Variants in DAW1 observed in about 807,000 individuals in gnomAD.
DAW1 encodes dynein assembly factor with WD repeats 1.
Under a neutral mutation model 56.5 loss-of-function variants are expected in DAW1, and 47 were observed. That is an observed-to-expected ratio of 0.83 (90% CI 0.66 to 1.06). DAW1 has a LOEUF of 1.06. DAW1 is among the 50% of genes least tolerant of loss of function. DAW1 has a pLI of 0.00. For synonymous variants in DAW1, 190 were observed against 179.0 expected (o/e 1.06, Z -0.49); for missense variants, 505 against 499.3 (o/e 1.01, Z -0.11).
intron 5 of DAW1, 91 bp downstream of exon 5, chr2:227,894,008 A>C: frequency 7.3e-7 from 1 of 1,361,910 alleles, no homozygotes; most frequent in Admixed American, 2.8e-5. Context: ...AAGAGGTCTA[A>C]ATTTATTGAG....
In DAW1 at chr2:227,898,269, T is replaced by A; in HGVS notation, c.528T>A (p.His176Gln). 2 of 1,536,692 alleles carry A rather than the reference T, an allele frequency of 1.3e-6. No individual in the cohort carries two copies. The highest frequency in any genetic ancestry group is 1.8e-6 in the Non-Finnish European group (2 of 1,135,818). Reference protein sequence around the residue: ...TGKCYHTFRGHTAEIVCLSFN... With the variant: ...TGKCYHTFRGQTAEIVCLSFN... ...AATGTTACCATACCTTCAGGGGTCA[T>A]ACAGCAGAAATAGTGAGTATATTTA... The change falls in exon 6 of 13, where the codon CAT becomes CAA. Residue 176 changes from histidine (H) to glutamine (Q), a missense_variant. By Grantham distance (24) the His-to-Gln change is conservative. Coordinates refer to ENST00000309931, the MANE Select transcript of DAW1 (RefSeq NM_178821.3).
In DAW1 at chr2:227,924,202, C is replaced by T. The variant is rs1574678941; in HGVS notation, c.*234C>T. 3.8e-6 allele frequency: 2 copies of T among 525,460 alleles called. No individual in the cohort carries two copies. Among genetic ancestry groups the T allele is most frequent in the Admixed American group, 3.2e-5 (1 of 31,146 alleles). The allele number at this position is 525,460 out of a possible 1,614,324, so 32.5% of individuals were successfully genotyped here. ...ACACAGCATAATGTTTGGCTAATGC[C>T]ACCAGTTATTTCAGTTGTGTTTGTT... On this transcript the variant is annotated 3_prime_UTR_variant, in exon 13 of 13. Transcript: ENST00000309931.
chr2:227,916,639 A>G (rs1365743833), intron 10 of DAW1, among the ~76,000 whole-genome samples: 1 of 152,082 alleles, frequency 6.6e-6, no homozygotes, highest in Non-Finnish European at 1.5e-5. Flanking sequence ...CATATCCGTG[A>G]TGGCCATGTA....
At chr2:227,874,816 A>G (rs1360886523) in intron 1 of DAW1, among the ~76,000 whole-genome samples, 1 of 152,068 alleles carries the variant, frequency 6.6e-6, no homozygotes, top group Admixed American at 6.6e-5. Context: ...CAAAACAATT[A>G]GCCAGGTGTG....
rs746945994 is a variant in DAW1 at position 227,891,305 on chromosome 2, G to A, written c.309G>A (p.Ser103=). 85 of 1,612,734 alleles carry A rather than the reference G, an allele frequency of 5.3e-5. 1 individual carries two copies. Among genetic ancestry groups the A allele is most frequent in the Middle Eastern group, 4.9e-4 (3 of 6,078 alleles). The change falls in exon 4 of 13, where the codon TCG becomes TCA. Residue 103 remains serine (S), a synonymous_variant. Coordinates refer to ENST00000309931, the MANE Select transcript of DAW1 (RefSeq NM_178821.3). ...LPLTNVALNK[S]GSCFITGSYD... ...TGACTAATGTTGCACTTAACAAATC[G>A]GGCTCATGGTAAGATTCTCTTTTTA...
In DAW1 at chr2:227,893,775, G is replaced by GT; in HGVS notation, c.318-17dup. On this transcript the variant is annotated intron_variant, in intron 4 of 12. Coordinates refer to ENST00000309931, the MANE Select transcript of DAW1 (RefSeq NM_178821.3). Reference sequence around the variant, plus strand: ...ACACTGCCATTCTTCCCTGCAACGTGTTTATATTCCTTGTGTTAGCTTTAT... The same window carrying GT: ...ACACTGCCATTCTTCCCTGCAACGTGTTTTATATTCCTTGTGTTAGCTTTAT... The GT allele has an allele frequency of 6.2e-7, 1 of 1,604,574 alleles. No individual in the cohort carries two copies. Among genetic ancestry groups the GT allele is most frequent in the Non-Finnish European group, 8.5e-7 (1 of 1,176,862 alleles).
intron 7 of DAW1, 29 bp from the exon 8 acceptor site, chr2:227,904,900 A>G (rs1441431070): frequency 6.3e-7 from 1 of 1,584,456 alleles, no homozygotes; most frequent in Non-Finnish European, 8.7e-7. Context: ...ATCTGCAGGT[A>G]TACTTGACAG....
Position 227,898,272 on chromosome 2 carries a change from A to G in DAW1, c.531A>G (p.Thr177=), listed in dbSNP as rs969211112. The G allele has an allele frequency of 6.6e-7, 1 of 1,515,276 alleles. No individual in the cohort carries two copies. Among genetic ancestry groups the G allele is most frequent in the Non-Finnish European group, 8.9e-7 (1 of 1,123,468 alleles). 93.9% of individuals were successfully genotyped at this position (1,515,276 alleles called of 1,614,324 possible). The change falls in exon 6 of 13, where the codon ACA becomes ACG. Residue 177 remains threonine, a synonymous_variant. Transcript: ENST00000309931. ...GKCYHTFRGH[T]AEIVCLSFNP... ...GTTACCATACCTTCAGGGGTCATAC[A>G]GCAGAAATAGTGAGTATATTTAACA...
At chr2:227,913,849 C>T (rs17251109) in intron 10 of DAW1, among the ~76,000 whole-genome samples, 27,886 of 148,966 alleles carry the variant, frequency 0.19, 3,239 homozygotes, top group Non-Finnish European at 0.26. Context: ...ATGTCTACAC[C>T]TTCTGCCAGA....
chr2:227,913,184 G>A (rs1249504188), intron 10 of DAW1, among the ~76,000 whole-genome samples: 1 of 152,138 alleles, frequency 6.6e-6, no homozygotes, highest in Non-Finnish European at 1.5e-5. Flanking sequence ...TCTTGATGAT[G>A]ATTTGTGACA....
intron 1 of DAW1, among the ~76,000 whole-genome samples, chr2:227,882,211 T>G (rs1339143367): frequency 1.3e-5 from 2 of 152,254 alleles, no homozygotes; most frequent in African/African-American, 4.8e-5. Context: ...AGAGGACTCC[T>G]GGGAACCCTT....
At chr2:227,913,881 A>ATCTATCTATCTATCTATCTATCTATCTG (rs79833260) in intron 10 of DAW1, among the ~76,000 whole-genome samples, 20 of 120,504 alleles carry the variant, frequency 1.7e-4, no homozygotes, top group African/African-American at 4.9e-4. Flanking sequence ...ATATCTATCT[A>ATCTATCTATCTATCTATCTATCTATCTG]TCTGTCTGTC....
At chr2:227,873,607 T>C (rs907987916) in intron 1 of DAW1, among the ~76,000 whole-genome samples, 2 of 152,178 alleles carry the variant, frequency 1.3e-5, no homozygotes, top group Non-Finnish European at 2.9e-5. Context: ...AGACATGCAT[T>C]TTCTCCTTCA....
intron 5 of DAW1, among the ~76,000 whole-genome samples, chr2:227,894,691 A>G (rs555471995): frequency 6.6e-6 from 1 of 152,308 alleles, no homozygotes; most frequent in East Asian, 1.9e-4. Context: ...ACCAAGTACA[A>G]CAGAAGTATT....
intron 11 of DAW1, among the ~76,000 whole-genome samples, chr2:227,920,540 T>C (rs1226101300): frequency 6.6e-6 from 1 of 152,184 alleles, no homozygotes; most frequent in East Asian, 1.9e-4. Flanking sequence ...CAGAAGCGTA[T>C]TTATGGAAAA....
At chr2:227,902,776 G>C (rs533838753) in intron 6 of DAW1, among the ~76,000 whole-genome samples, 4 of 152,144 alleles carry the variant, frequency 2.6e-5, no homozygotes, top group African/African-American at 9.7e-5. Flanking sequence ...GGGAGCTAGT[G>C]CCCCTCCAAG....
Position 227,918,699 on chromosome 2 carries a change from ATATT to A in DAW1, c.974-77_974-74del. ...CAGAGCTCGTGTGTCAGGGGGATAT[ATATT>A]TATACAATGCAAAGTCTTTTATCCA... On this transcript the variant is annotated intron_variant, in intron 10 of 12. Coordinates refer to ENST00000309931, the MANE Select transcript of DAW1 (RefSeq NM_178821.3). The A allele has an allele frequency of 2.7e-6, 4 of 1,461,404 alleles. No homozygotes were observed. The Admixed American group carries it at 7.0e-5, about 26-fold the overall frequency. 90.5% of individuals were successfully genotyped at this position (1,461,404 alleles called of 1,614,324 possible).
chr2:227,886,833 C>T (rs1691142572), intron 2 of DAW1, among the ~76,000 whole-genome samples: 1 of 152,178 alleles, frequency 6.6e-6, no homozygotes, highest in Non-Finnish European at 1.5e-5. Context: ...AAGAGAGAGT[C>T]AGACTAGTGA....
rs1171770768 is a variant in DAW1 at position 227,907,931 on chromosome 2, T to C, written c.973+679T>C. ...AATGGTGCTATAATCTCCTTTACTA[T>C]AACCACATGTGCTGTTCCGCTATGT... On this transcript the variant is annotated intron_variant, in intron 10 of 12. Transcript: ENST00000309931. 2.6e-5 allele frequency among the ~76,000 whole-genome samples: 4 copies of C among 152,340 alleles called. No homozygotes were observed. The East Asian group carries it at 7.7e-4, about 29-fold the overall frequency.
Sources: allele counts gnomAD v4.1 joint callset (sites outside exome capture counted in the v4.1 genomes callset), GRCh38; gene constraint gnomAD v4.1.1; transcripts MANE v1.5; gene names NCBI Gene and HGNC (gene_info 2026-07-23, HGNC 2026-07-21).